The following GPR108 variants were observed in gnomAD, a reference collection of about 807,000 sequenced individuals.
GPR108 encodes G protein-coupled receptor 108.
A neutral mutation model predicts 74.3 loss-of-function variants in GPR108; 60 were observed. The ratio of observed to expected loss-of-function variants is 0.81; its 90% CI spans 0.66 to 1.00. The LOEUF is 1.00. Among genes scored for constraint, GPR108 ranks in the 50% least tolerant of loss-of-function variants. GPR108 has a pLI of 0.00. For synonymous variants in GPR108, 311 were observed against 292.4 expected (o/e 1.06, Z -0.65); for missense variants, 667 against 703.3 (o/e 0.95, Z 0.58).
intron 5 of GPR108, 41 bp from the exon 6 acceptor site, chr19:6,734,095 GGATA>G: frequency 6.2e-7 from 1 of 1,614,024 alleles, no homozygotes; most frequent in Non-Finnish European, 8.5e-7. Flanking sequence ...ATGGATGGAT[GGATA>G]GAGGGGCAGT....
chr19:6,735,365 C>T (rs1019801448), intron 4 of GPR108: 4 of 434,322 alleles, frequency 9.2e-6, no homozygotes, highest in African/African-American at 2.0e-5. Context: ...ACACCGGAAG[C>T]ACTCAACATG....
chr19:6,733,780 G>T, intron 7 of GPR108, 65 bp downstream of exon 7: 1 of 1,590,944 alleles, frequency 6.3e-7, no homozygotes, highest in East Asian at 2.2e-5. Context: ...GGCTGCAGGA[G>T]GGCTCAGCTT....
rs562656389 is a variant in GPR108 at position 6,731,758 on chromosome 19, G to A, written c.1300+133C>T. 5.9e-4 allele frequency: 644 copies of A among 1,085,982 alleles called. 14 individuals are homozygous for A. In the South Asian group the frequency reaches 9.1e-3, roughly 15 times the overall value. The allele number at this position is 1,085,982 out of a possible 1,614,324, so 67.3% of individuals were successfully genotyped here. On this transcript the variant is annotated intron_variant, in intron 14 of 17. Coordinates refer to ENST00000264080, the MANE Select transcript of GPR108 (RefSeq NM_001080452.2). ...AGGCATTCGGGGGAAAGAGAGGCCAGACTGGGGCATCCAGGGAGGCAGAGG... is the reference window on the plus strand; with the variant it reads ...AGGCATTCGGGGGAAAGAGAGGCCAAACTGGGGCATCCAGGGAGGCAGAGG...
intron 8 of GPR108, 74 bp downstream of exon 8, chr19:6,733,495 CG>C: frequency 2.7e-6 from 4 of 1,476,870 alleles, no homozygotes; most frequent in Non-Finnish European, 3.8e-6. Context: ...AAAAGCTAAG[CG>C]GGGTGAGGCA....
chr19:6,731,293 G>A lies in GPR108; in HGVS notation c.1351-11C>T, dbSNP rs2279626. On this transcript the variant is annotated splice_polypyrimidine_tract_variant and intron_variant, in intron 15 of 17. Coordinates refer to ENST00000264080, the MANE Select transcript of GPR108 (RefSeq NM_001080452.2). ...GACGTAGCAGATGACCTGCAGGGGC[G>A]CGAGCAGGCGTGGGGCCAGGACTGT... is the stretch of plus-strand genomic sequence containing the variant. 0.38 allele frequency: 583,304 copies of A among 1,540,318 alleles called. 111,773 individuals carry two copies. Among genetic ancestry groups the A allele is most frequent in the East Asian group, 0.43 (18,960 of 44,046 alleles).
At position 6,730,540 on chromosome 19, in the gene GPR108, G is replaced by A. The variant is rs543304469; in HGVS notation, c.1560-156C>T. Reference sequence around the variant, plus strand: ...GACTCACCCAGGCTGCACCCACCTCGCTCCCACAGCAGCGCAGGCCCTACC... The same window carrying A: ...GACTCACCCAGGCTGCACCCACCTCACTCCCACAGCAGCGCAGGCCCTACC... On this transcript the variant is annotated intron_variant, in intron 17 of 17. Transcript: ENST00000264080. 401 of 615,220 alleles carry A rather than the reference G, an allele frequency of 6.5e-4. 3 individuals carry two copies. In the African/African-American group the frequency reaches 8.3e-3, roughly 13 times the overall value. The allele number at this position is 615,220 out of a possible 1,614,324, so 38.1% of individuals were successfully genotyped here.
intron 17 of GPR108, 34 bp downstream of exon 17, chr19:6,730,953 G>A: frequency 9.9e-7 from 1 of 1,006,114 alleles, no homozygotes; most frequent in Non-Finnish European, 1.3e-6. Context: ...TCCACCCCCA[G>A]AGCCGCCGGC....
chr19:6,736,920 GA>G (rs951738315), intron 1 of GPR108: 3 of 637,066 alleles, frequency 4.7e-6, no homozygotes, highest in African/African-American at 1.8e-5. Context: ...GAGAACCCAG[GA>G]ACAGAGATCC....
rs143266929 is a variant in GPR108 at position 6,731,735 on chromosome 19, G to T, written c.1300+156C>A. On this transcript the variant is annotated intron_variant, in intron 14 of 17. Coordinates refer to ENST00000264080, the MANE Select transcript of GPR108 (RefSeq NM_001080452.2). ...AACAGGGCAGAGAGGCCAGATAAAGGCATTCGGGGGAAAGAGAGGCCAGAC... is the reference window on the plus strand; with the variant it reads ...AACAGGGCAGAGAGGCCAGATAAAGTCATTCGGGGGAAAGAGAGGCCAGAC... Among the ~76,000 whole-genome samples the T allele has an allele frequency of 3.0e-3, 451 of 151,952 alleles. 1 individual carries two copies. The highest frequency in any genetic ancestry group is 4.4e-3 in the Non-Finnish European group (301 of 67,920).
Position 6,737,489 on chromosome 19 carries a change from A to G in GPR108, c.88T>C (p.Cys30Arg). ...RLLLVLLLGG[C>R]SGRIHQLALT... ...GCCAGCTGGTGGATGCGCCCGGAGC[A>G]GCCACCCAGCAGCAGCACCAGAAGT... Residue 30 changes from cysteine (C) to arginine (R), a missense_variant, in exon 1 of 18, where the codon TGC becomes CGC. Coordinates refer to ENST00000264080, the MANE Select transcript of GPR108 (RefSeq NM_001080452.2). The G allele has an allele frequency of 6.3e-7, 1 of 1,587,408 alleles. No homozygotes were observed. The highest frequency in any genetic ancestry group is 8.5e-7 in the Non-Finnish European group (1 of 1,174,526).
At chr19:6,730,901 TC>T (rs1946693548) in intron 17 of GPR108, 85 bp downstream of exon 17, 2 of 936,790 alleles carry the variant, frequency 2.1e-6, no homozygotes, top group Admixed American at 4.5e-5. Flanking sequence ...CTACAGTCCC[TC>T]CCCCCTGCCC....
intron 4 of GPR108, chr19:6,735,330 T>G (rs1968589845): frequency 1.0e-5 from 3 of 300,524 alleles, no homozygotes; most frequent in Non-Finnish European, 6.2e-6. Flanking sequence ...AAGGAATGGG[T>G]GAGTTAGTGT....
Position 6,733,156 on chromosome 19 carries a change from CA to C in GPR108, c.857+11del. ...AAGGGACGTGGGGGACCCTCAGGGG[CA>C]GGGGCATTACGTGTTCCTGCAGAGG... On this transcript the variant is annotated intron_variant, in intron 9 of 17. Coordinates refer to ENST00000264080, the MANE Select transcript of GPR108 (RefSeq NM_001080452.2). The C allele has an allele frequency of 6.2e-7, 1 of 1,613,838 alleles. No individual in the cohort carries two copies. Among genetic ancestry groups the C allele is most frequent in the African/African-American group, 1.3e-5 (1 of 75,014 alleles).
intron 1 of GPR108, 106 bp downstream of exon 1, chr19:6,737,348 TCCA>T: frequency 1.5e-6 from 2 of 1,343,636 alleles, no homozygotes; most frequent in Admixed American, 6.3e-5. Flanking sequence ...GCCGGACCAC[TCCA>T]CCGCCTCGGG....
intron 13 of GPR108, 44 bp from the exon 14 acceptor site, chr19:6,731,978 G>A (rs373672222): frequency 3.1e-6 from 5 of 1,613,358 alleles, no homozygotes; most frequent in South Asian, 2.2e-5. Flanking sequence ...CGCGGACATC[G>A]CCCATGTGCA....
Position 6,733,301 on chromosome 19 carries a change from C to A in GPR108, c.724G>T (p.Val242Leu). ...PGKEHPFDITVMIREKNPDGF... is the reference protein window; with the variant it reads ...PGKEHPFDITLMIREKNPDGF... Reference sequence around the variant, plus strand: ...TCGGGGTTCTTCTCCCGGATCATCACCTGCGGAGGGGGCAGTGGTGGGCGG... The same window carrying A: ...TCGGGGTTCTTCTCCCGGATCATCAACTGCGGAGGGGGCAGTGGTGGGCGG... The change falls in exon 9 of 18, where the codon GTG (valine) becomes TTG (leucine). Residue 242 changes from valine (V) to leucine (L), a missense_variant and splice_region_variant. By Grantham distance (32) the Val-to-Leu change is conservative. Coordinates refer to ENST00000264080, the MANE Select transcript of GPR108 (RefSeq NM_001080452.2). The A allele has an allele frequency of 2.5e-6, 4 of 1,613,244 alleles. No individual in the cohort carries two copies. The South Asian group carries it at 4.4e-5, about 18-fold the overall frequency.
chr19:6,733,388 TCA>T, intron 8 of GPR108, 87 bp from the exon 9 acceptor site: 15 of 1,435,102 alleles, frequency 1.0e-5, no homozygotes, highest in Non-Finnish European at 1.4e-5. Context: ...TCCAGCTCTC[TCA>T]CTTTCTACTG....
intron 7 of GPR108, 58 bp downstream of exon 7, chr19:6,733,787 G>A: frequency 1.3e-6 from 2 of 1,599,628 alleles, no homozygotes; most frequent in South Asian, 1.1e-5. Context: ...GGAGGGCTCA[G>A]CTTGGGGGTC....
chr19:6,730,935 C>G, intron 17 of GPR108, 52 bp downstream of exon 17: 1 of 1,584,218 alleles, frequency 6.3e-7, no homozygotes, highest in Non-Finnish European at 8.6e-7. Context: ...GAGCTGCCCA[C>G]CCCCTACTCC....
Sources: gnomAD v4.1 joint callset for allele counts (sites outside exome capture counted in the v4.1 genomes callset) on GRCh38, gnomAD v4.1.1 for gene constraint, MANE v1.5 for transcripts, NCBI Gene and HGNC (gene_info 2026-07-23, HGNC 2026-07-21) for gene names.